Variants in REEP1 observed in about 807,000 individuals in gnomAD.
REEP1 encodes receptor accessory protein 1, also known as receptor expression-enhancing protein 1.
Under a neutral mutation model 40.3 loss-of-function variants are expected in REEP1, and 22 were observed. The ratio of observed to expected loss-of-function variants is 0.55; its 90% CI spans 0.39 to 0.78. The LOEUF (loss-of-function observed/expected upper bound fraction) is 0.78. REEP1 is among the 30% of genes least tolerant of loss of function. REEP1 has a pLI of 0.00. For synonymous variants in REEP1, 116 were observed against 139.2 expected (o/e 0.83, Z 1.17); for missense variants, 280 against 361.1 (o/e 0.78, Z 1.82).
chr2:86,266,654 A>C (rs916959272), intron 2 of REEP1, among the ~76,000 whole-genome samples: 1 of 149,296 alleles, frequency 6.7e-6, no homozygotes, highest in African/African-American at 2.5e-5. Flanking sequence ...TAAAAATAAA[A>C]AAAATAAAAT....
chr2:86,236,935 C>A (rs990604193), intron 5 of REEP1, among the ~76,000 whole-genome samples: 2 of 152,162 alleles, frequency 1.3e-5, no homozygotes, highest in African/African-American at 4.8e-5. Flanking sequence ...GGGGTTTCAC[C>A]GTGTTAGCCA....
At chr2:86,269,354 C>T (rs546508954) in intron 2 of REEP1, among the ~76,000 whole-genome samples, 1 of 152,206 alleles carries the variant, frequency 6.6e-6, no homozygotes, top group African/African-American at 2.4e-5. Context: ...CCTACTAGTC[C>T]CCCAAATTGT....
intron 1 of REEP1, among the ~76,000 whole-genome samples, chr2:86,290,874 C>T (rs1678660127): frequency 6.6e-6 from 1 of 152,186 alleles, no homozygotes; most frequent in Non-Finnish European, 1.5e-5. Flanking sequence ...AACCCCTGGG[C>T]TTCTGCTTAC....
intron 2 of REEP1, among the ~76,000 whole-genome samples, chr2:86,273,363 C>G (rs1221197907): frequency 6.6e-6 from 1 of 150,930 alleles, no homozygotes; most frequent in African/African-American, 2.4e-5. Flanking sequence ...CAGCTCACTG[C>G]AGTCTCGACC....
intron 1 of REEP1, among the ~76,000 whole-genome samples, chr2:86,292,686 G>A (rs1198729409): frequency 1.3e-5 from 2 of 152,112 alleles, no homozygotes; most frequent in African/African-American, 4.8e-5. Flanking sequence ...TATATATTTA[G>A]GCTGAGAAAA....
intron 3 of REEP1, among the ~76,000 whole-genome samples, chr2:86,256,701 G>T (rs1007190630): frequency 6.6e-6 from 1 of 152,084 alleles, no homozygotes; most frequent in Non-Finnish European, 1.5e-5. Context: ...CTGTGCCTCT[G>T]TTTCTAGGAA....
At chr2:86,227,653 C>G (rs114537478) in intron 6 of REEP1, among the ~76,000 whole-genome samples, 1 of 152,194 alleles carries the variant, frequency 6.6e-6, no homozygotes, top group Admixed American at 6.5e-5. Flanking sequence ...TAGGGAAGGC[C>G]GGAGACAGAG....
intron 3 of REEP1, among the ~76,000 whole-genome samples, chr2:86,260,021 G>A: frequency 6.6e-6 from 1 of 152,210 alleles, no homozygotes; most frequent in East Asian, 1.9e-4. Flanking sequence ...AGAATGCTCA[G>A]AGCTGCGGAG....
At chr2:86,273,663 C>T (rs1357308457) in intron 2 of REEP1, among the ~76,000 whole-genome samples, 10 of 152,184 alleles carry the variant, frequency 6.6e-5, no homozygotes, top group Non-Finnish European at 1.5e-4. Context: ...CCATATGAGT[C>T]TTTCAGTTCT....
In REEP1 at chr2:86,256,814, C is replaced by T. The variant is rs183880266; in HGVS notation, c.183-2000G>A. 3.3e-5 allele frequency among the ~76,000 whole-genome samples: 5 copies of T among 152,294 alleles called. No individual in the cohort carries two copies. In the East Asian group the frequency reaches 5.8e-4, roughly 18 times the overall value. On this transcript the variant is annotated intron_variant, in intron 3 of 8. Coordinates refer to ENST00000538924, the MANE Select transcript of REEP1 (RefSeq NM_001371279.1). ...TCCCAGGTATCCTTAAAACCTGATG[C>T]TATGAGATGAGACAGTCACCTGTCC...
chr2:86,333,761 G>A (rs2104550330), intron 1 of REEP1, among the ~76,000 whole-genome samples: 1 of 152,318 alleles, frequency 6.6e-6, no homozygotes, highest in South Asian at 2.1e-4. Flanking sequence ...GCCTTGAGTT[G>A]TATGTAAAGA....
intron 1 of REEP1, among the ~76,000 whole-genome samples, chr2:86,283,154 T>C (rs1678191120): frequency 6.6e-6 from 1 of 152,328 alleles, no homozygotes; most frequent in Non-Finnish European, 1.5e-5. Flanking sequence ...TTTATTGTTG[T>C]TTGTGTAATG....
intron 1 of REEP1, among the ~76,000 whole-genome samples, chr2:86,320,113 C>T (rs1488927136): frequency 6.6e-6 from 1 of 152,160 alleles, no homozygotes; most frequent in African/African-American, 2.4e-5. Context: ...CAAAGCACTA[C>T]AACATCAGTA....
intron 1 of REEP1, among the ~76,000 whole-genome samples, chr2:86,287,446 T>G (rs1209152394): frequency 6.6e-6 from 1 of 152,214 alleles, no homozygotes; most frequent in African/African-American, 2.4e-5. Flanking sequence ...TTGCACAGTC[T>G]TCCAATTCAT....
intron 1 of REEP1, among the ~76,000 whole-genome samples, chr2:86,308,597 G>A (rs1679614978): frequency 6.6e-6 from 1 of 152,148 alleles, no homozygotes; most frequent in South Asian, 2.1e-4. Context: ...AACCGCCCTG[G>A]GTCTGCTTCC....
chr2:86,249,579 A>G (rs1372011830), intron 5 of REEP1, among the ~76,000 whole-genome samples: 1 of 152,106 alleles, frequency 6.6e-6, no homozygotes, highest in Non-Finnish European at 1.5e-5. Flanking sequence ...TCATGGGCCC[A>G]CTGCCTGAGA....
At chr2:86,219,455 T>TC (rs1481173717) in intron 8 of REEP1, among the ~76,000 whole-genome samples, 1 of 145,320 alleles carries the variant, frequency 6.9e-6, no homozygotes, top group African/African-American at 2.7e-5. Flanking sequence ...TCTTTTCTTT[T>TC]TTTTTTTTTT....
intron 1 of REEP1, among the ~76,000 whole-genome samples, chr2:86,335,373 T>C (rs6714317): frequency 0.96 from 146,168 of 152,250 alleles, 70,238 homozygotes; most frequent in East Asian, 1. Context: ...CTTTTGGACT[T>C]GATAGTGGAA....
chr2:86,289,800 C>T (rs1678598809), intron 1 of REEP1, among the ~76,000 whole-genome samples: 1 of 151,880 alleles, frequency 6.6e-6, no homozygotes, highest in African/African-American at 2.4e-5. Context: ...TTTTTGGTGG[C>T]ATTGTGGATT....
Sources: gnomAD v4.1 joint callset for allele counts (sites outside exome capture counted in the v4.1 genomes callset) on GRCh38, gnomAD v4.1.1 for gene constraint, MANE v1.5 for transcripts, NCBI Gene and HGNC (gene_info 2026-07-23, HGNC 2026-07-21) for gene names.